Variants in CNDP2 observed in about 807,000 individuals in gnomAD.
CNDP2 encodes the protein cytosolic non-specific dipeptidase.
In CNDP2, 38 loss-of-function variants were observed where a neutral mutation model predicts 55.0. The observed-to-expected ratio is 0.69, with a 90% CI of 0.53 to 0.90. CNDP2 has a LOEUF of 0.90. CNDP2 is among the 40% of genes least tolerant of loss of function. The pLI is 0.00. For synonymous variants in CNDP2, 241 were observed against 260.2 expected (o/e 0.93, Z 0.71); for missense variants, 607 against 621.7 (o/e 0.98, Z 0.25).
chr18:74,501,031 T>C (rs1231087109), intron 2 of CNDP2: 14 of 392,736 alleles, frequency 3.6e-5, no homozygotes, highest in Non-Finnish European at 5.2e-5. Context: ...CGGGTCCGGT[T>C]TTGGGCCTGG....
chr18:74,518,247 G>A (rs553434005), intron 9 of CNDP2: 6 of 315,866 alleles, frequency 1.9e-5, no homozygotes, highest in Non-Finnish European at 3.0e-5. Flanking sequence ...GGACAACAGA[G>A]CGAGACTCCA....
intron 11 of CNDP2, 59 bp from the exon 12 acceptor site, chr18:74,519,940 C>A (rs1979954028): frequency 6.6e-7 from 1 of 1,523,540 alleles, no homozygotes; most frequent in South Asian, 1.1e-5. Flanking sequence ...GGAGTCACCC[C>A]ACACCTGGGT....
At chr18:74,503,450 C>CA (rs890594651) in intron 3 of CNDP2, among the ~76,000 whole-genome samples, 2 of 152,242 alleles carry the variant, frequency 1.3e-5, no homozygotes, top group East Asian at 3.9e-4. Context: ...GTGCAGAAGT[C>CA]AGAGTATTTT....
chr18:74,514,217 G>A (rs1196466311), intron 8 of CNDP2, among the ~76,000 whole-genome samples: 1 of 152,196 alleles, frequency 6.6e-6, no homozygotes, highest in African/African-American at 2.4e-5. Flanking sequence ...AGGTTTATGT[G>A]GTACAGATGT....
At chr18:74,508,705 TG>T in intron 4 of CNDP2, 134 bp from the exon 5 acceptor site, 2 of 659,232 alleles carry the variant, frequency 3.0e-6, no homozygotes, top group Non-Finnish European at 2.7e-6. Flanking sequence ...GGGTGGAAAT[TG>T]GGGGCTCCTG....
At chr18:74,505,729 C>T (rs1978975586) in intron 3 of CNDP2, 120 bp from the exon 4 acceptor site, 7 of 1,082,914 alleles carry the variant, frequency 6.5e-6, no homozygotes, top group Non-Finnish European at 9.4e-6. Flanking sequence ...TTAAACTCTA[C>T]AATAGAGGTT....
chr18:74,513,809 G>A (rs1446539445), intron 8 of CNDP2, 90 bp downstream of exon 8: 4 of 1,329,930 alleles, frequency 3.0e-6, no homozygotes, highest in Non-Finnish European at 4.1e-6. Context: ...TGGGTCCAGG[G>A]GGTCTCTGAG....
At chr18:74,518,262 AG>A (rs1299332440) in intron 9 of CNDP2, 3 of 360,658 alleles carry the variant, frequency 8.3e-6, no homozygotes, top group Non-Finnish European at 1.5e-5. Context: ...ACTCCATCTC[AG>A]AAAAAATAAA....
At chr18:74,518,680 T>C (rs1205543395) in intron 10 of CNDP2, 40 bp downstream of exon 10, 6 of 1,612,004 alleles carry the variant, frequency 3.7e-6, no homozygotes, top group Non-Finnish European at 5.1e-6. Flanking sequence ...CGCAGGGCCC[T>C]TCGCACGTCT....
chr18:74,511,093 C>T, intron 6 of CNDP2, 80 bp downstream of exon 6: 2 of 1,242,088 alleles, frequency 1.6e-6, no homozygotes, highest in Non-Finnish European at 2.2e-6. Context: ...TAGACAAGGA[C>T]CCAGAAGTCA....
chr18:74,509,023 A>T, intron 5 of CNDP2, 95 bp downstream of exon 5: 1 of 1,023,992 alleles, frequency 9.8e-7, no homozygotes, highest in East Asian at 2.6e-5. Flanking sequence ...TATAAAGCTC[A>T]CAGGAAAAGA....
intron 11 of CNDP2, 73 bp downstream of exon 11, chr18:74,519,169 G>A (rs2241508): frequency 0.59 from 885,617 of 1,501,800 alleles, 268,968 homozygotes; most frequent in East Asian, 0.88. Flanking sequence ...CCTTCCCCCC[G>A]TGTGCAGCTG....
chr18:74,500,435 G>A (rs1978628534), intron 2 of CNDP2, among the ~76,000 whole-genome samples: 1 of 152,162 alleles, frequency 6.6e-6, no homozygotes, highest in Admixed American at 6.5e-5. Flanking sequence ...GAATTCTCAT[G>A]CTAAAATTAT....
chr18:74,507,010 C>T (rs1979066066), intron 4 of CNDP2: 1 of 151,794 alleles, frequency 6.6e-6, no homozygotes, highest in Non-Finnish European at 1.5e-5. Flanking sequence ...TTTCCTGGCC[C>T]AGTGTCAGTT....
intron 2 of CNDP2, 40 bp from the exon 3 acceptor site, chr18:74,501,289 A>G (rs756554071): frequency 2.5e-6 from 4 of 1,596,482 alleles, no homozygotes; most frequent in South Asian, 1.1e-5. Context: ...CCTCAAGGAC[A>G]CCTTTTCAGA....
intron 4 of CNDP2, 25 bp from the exon 5 acceptor site, chr18:74,508,815 A>G: frequency 6.3e-7 from 1 of 1,599,824 alleles, no homozygotes; most frequent in South Asian, 1.1e-5. Context: ...TCATCACTTT[A>G]TGAATTTGTG....
At position 74,513,621 on chromosome 18, in the gene CNDP2, G is replaced by T; in HGVS notation, c.805G>T (p.Val269Phe). The change falls in exon 8 of 12, where the codon GTC (valine) becomes TTC (phenylalanine). Residue 269 changes from valine to phenylalanine, a missense_variant. Physicochemically the swap from Val to Phe is conservative, Grantham distance 50. Coordinates refer to ENST00000324262, the MANE Select transcript of CNDP2 (RefSeq NM_018235.3). ...CGGCATTAACGAGGCCGTGGCCGCC[G>T]TCACGGAAGAGGAGCACAAGCTGTA... ...IPGINEAVAA[V>F]TEEEHKLYDD... 1 of 1,614,046 alleles carries T rather than the reference G, an allele frequency of 6.2e-7. No homozygotes were observed. The highest frequency in any genetic ancestry group is 8.5e-7 in the Non-Finnish European group (1 of 1,180,032).
chr18:74,506,783 G>A (rs1023691245), intron 4 of CNDP2, among the ~76,000 whole-genome samples: 2 of 152,222 alleles, frequency 1.3e-5, no homozygotes, highest in South Asian at 4.1e-4. Flanking sequence ...TTTGAGGCCC[G>A]TGCTATGAGG....
intron 3 of CNDP2, among the ~76,000 whole-genome samples, chr18:74,504,158 C>T (rs1039141731): frequency 1.4e-5 from 2 of 146,874 alleles, no homozygotes; most frequent in African/African-American, 2.5e-5. Context: ...AAATGAGGGG[C>T]GTCAGGCCAT....
Sources: allele counts gnomAD v4.1 joint callset (sites outside exome capture counted in the v4.1 genomes callset), GRCh38; gene constraint gnomAD v4.1.1; transcripts MANE v1.5; gene names NCBI Gene and HGNC (gene_info 2026-07-23, HGNC 2026-07-21).